Variants in MACF1 observed in about 807,000 individuals in gnomAD.
The protein encoded by MACF1 is microtubule-actin cross-linking factor 1.
Under a neutral mutation model 854.8 loss-of-function variants are expected in MACF1, and 193 were observed. The ratio of observed to expected loss-of-function variants is 0.23; its 90% CI spans 0.20 to 0.25. The LOEUF is 0.25. Ranked by LOEUF, MACF1 falls within the 10% of genes least tolerant of loss-of-function variation. The probability of loss-of-function intolerance (pLI) is 1.00; values close to 1 mark genes in which losing one functional copy is unlikely to be tolerated. For missense variants in MACF1, 7,722 were observed against 8,929.1 expected (o/e 0.86, Z 5.45); for synonymous variants, 3,185 against 3,226.7 (o/e 0.99, Z 0.44).
intron 2 of MACF1, among the ~76,000 whole-genome samples, chr1:39,194,346 CT>C (rs1557510835): frequency 2.9e-5 from 1 of 35,026 alleles, no homozygotes; most frequent in African/African-American, 1.7e-4. Context: ...CTTTTCTTTT[CT>C]TTTCTTTTTT....
chr1:39,415,174 A>G (rs1643241090), intron 58 of MACF1, among the ~76,000 whole-genome samples: 1 of 152,192 alleles, frequency 6.6e-6, no homozygotes, highest in African/African-American at 2.4e-5. Context: ...GCTAGGCATA[A>G]TGTTTATGAA....
intron 57 of MACF1, 89 bp from the exon 58 acceptor site, chr1:39,387,098 C>T (rs757386305): frequency 7.7e-6 from 11 of 1,423,710 alleles, no homozygotes; most frequent in Non-Finnish European, 1.0e-5. Flanking sequence ...TAGTTCCCTT[C>T]CCCCAAGATT....
In MACF1 at chr1:39,335,824, T is replaced by C. The variant is rs1290980008; in HGVS notation, c.9236T>C (p.Leu3079Pro). Reference protein sequence around the residue: ...ANEGKVNNLSLCLTLKPEENL... With the variant: ...ANEGKVNNLSPCLTLKPEENL... The stretch of plus-strand genomic sequence containing the variant: ...GAAGGAAAAGTAAACAATTTAAGTC[T>C]CTGCTTGACTTTAAAACCAGAAGAA... Residue 3079 changes from leucine to proline, a missense_variant, in exon 37 of 101, where the codon CTC becomes CCC. Transcript: ENST00000564288. 6.2e-7 allele frequency: 1 copy of C among 1,614,178 alleles called. No individual in the cohort carries two copies. The highest frequency in any genetic ancestry group is 8.5e-7 in the Non-Finnish European group (1 of 1,180,020).
At position 39,394,278 on chromosome 1, in the gene MACF1, T is replaced by TTG. The variant is rs1557628874; in HGVS notation, c.15816+5620_15816+5621insTG. ...TGATTGATTGATTGATTGATTGATTTATTGCCACATAGAAAGCAAGCTTAG... is the reference window on the plus strand; with the variant it reads ...TGATTGATTGATTGATTGATTGATTTTGATTGCCACATAGAAAGCAAGCTTAG... On this transcript the variant is annotated intron_variant, in intron 58 of 100. Transcript: ENST00000564288. Among the ~76,000 whole-genome samples the TTG allele has an allele frequency of 4.9e-4, 60 of 123,514 alleles. 1 individual carries two copies. Among genetic ancestry groups the TTG allele is most frequent in the African/African-American group, 1.1e-3 (28 of 24,678 alleles). 81.0% of individuals were successfully genotyped at this position (123,514 alleles called of 152,430 possible).
At chr1:39,161,694 G>A (rs1383574902) in intron 2 of MACF1, among the ~76,000 whole-genome samples, 5 of 151,724 alleles carry the variant, frequency 3.3e-5, no homozygotes, top group African/African-American at 7.3e-5. Context: ...ATGAAACTCC[G>A]TCTCTACTAA....
intron 2 of MACF1, among the ~76,000 whole-genome samples, chr1:39,152,788 T>C (rs769180694): frequency 2.6e-5 from 4 of 152,166 alleles, no homozygotes; most frequent in Non-Finnish European, 5.9e-5. Context: ...TTTTGCCTTC[T>C]TCCTCTACTC....
rs141206854 is a variant in MACF1 at position 39,371,687 on chromosome 1, A to G, written c.13096-792A>G. Among the ~76,000 whole-genome samples the G allele has an allele frequency of 4.9e-3, 746 of 152,242 alleles. 9 individuals carry two copies. The highest frequency in any genetic ancestry group is 0.017 in the African/African-American group (700 of 41,532). On this transcript the variant is annotated intron_variant, in intron 51 of 100. Transcript: ENST00000564288. The stretch of plus-strand genomic sequence containing the variant: ...CCTTAATAAATGCAAAGTATAGCCT[A>G]TGATTCTATGTATTTTTCTGTATCT...
chr1:39,485,128 TCTC>T (rs763974426), intron 100 of MACF1: 5 of 321,514 alleles, frequency 1.6e-5, no homozygotes, highest in Non-Finnish European at 2.9e-5. Flanking sequence ...TCACATCTGT[TCTC>T]CTGCTACTGT....
intron 2 of MACF1, among the ~76,000 whole-genome samples, chr1:39,155,727 T>G (rs1372291423): frequency 6.6e-6 from 1 of 152,212 alleles, no homozygotes; most frequent in Non-Finnish European, 1.5e-5. Context: ...AGTATTTTAT[T>G]TATTTATTTA....
At chr1:39,319,138 A>G (rs576890827) in intron 30 of MACF1, among the ~76,000 whole-genome samples, 1 of 152,234 alleles carries the variant, frequency 6.6e-6, no homozygotes, top group East Asian at 1.9e-4. Context: ...TTAGCTTCTC[A>G]GTGTTCTACT....
rs114768934 is a variant in MACF1 at position 39,329,447 on chromosome 1, T to G, written c.4615-1756T>G. Among the ~76,000 whole-genome samples, 1,383 of 152,316 alleles carry G rather than the reference T, an allele frequency of 9.1e-3. 23 individuals carry two copies. The highest frequency in any genetic ancestry group is 0.031 in the African/African-American group (1,299 of 41,558). Reference sequence around the variant, plus strand: ...CATCCCATATTTATTAAATGACAGCTACTGTTCCTAGACCTTCATGGACAA... The same window carrying G: ...CATCCCATATTTATTAAATGACAGCGACTGTTCCTAGACCTTCATGGACAA... On this transcript the variant is annotated intron_variant, in intron 36 of 100. Coordinates refer to ENST00000564288, the MANE Select transcript of MACF1 (RefSeq NM_001394062.1).
chr1:39,098,869 G>T (rs564240957), intron 2 of MACF1, among the ~76,000 whole-genome samples: 21 of 152,194 alleles, frequency 1.4e-4, no homozygotes, highest in Admixed American at 3.3e-4. Context: ...TCTTACCCCA[G>T]AGCGGATTTG....
intron 99 of MACF1, among the ~76,000 whole-genome samples, chr1:39,483,632 A>G (rs1645055808): frequency 6.6e-6 from 1 of 152,166 alleles, no homozygotes; most frequent in African/African-American, 2.4e-5. Context: ...CTGATTTCCC[A>G]AGAGAGAAGC....
In MACF1 at chr1:39,485,789, C is replaced by T. The variant is rs775450164; in HGVS notation, c.22663C>T (p.Arg7555Ter). ...CTCCCCCAGGACTCCAGGTCCCAAG[C>T]GATAACACTGTCTAAGCACCCCCAA... ...TASPRTPGPKR is the reference protein window; with the variant it reads ...TASPRTPGPK The change falls in exon 101 of 101, where the codon CGA becomes TGA. Residue 7555 changes from arginine (R) to a stop codon, truncating the protein, a stop_gained. Transcript: ENST00000564288. LOFTEE classifies it high-confidence loss of function. 6.3e-7 allele frequency: 1 copy of T among 1,593,106 alleles called. No individual in the cohort carries two copies. The highest frequency in any genetic ancestry group is 8.6e-7 in the Non-Finnish European group (1 of 1,166,932).
chr1:39,111,721 T>G (rs1312539307), intron 2 of MACF1, among the ~76,000 whole-genome samples: 2 of 152,150 alleles, frequency 1.3e-5, no homozygotes, highest in Non-Finnish European at 2.9e-5. Flanking sequence ...CTTGCAATGT[T>G]TTCTAGGCTA....
At chr1:39,166,617 G>C (rs1331480054) in intron 2 of MACF1, among the ~76,000 whole-genome samples, 1 of 150,824 alleles carries the variant, frequency 6.6e-6, no homozygotes. Context: ...ACACCTGGCT[G>C]ATTTTTTGTA....
At chr1:39,289,802 A>G (rs1645737300) in intron 15 of MACF1, among the ~76,000 whole-genome samples, 1 of 137,176 alleles carries the variant, frequency 7.3e-6, no homozygotes, top group African/African-American at 2.7e-5. Flanking sequence ...TTGGATTCTA[A>G]GCAATTCTCA....
chr1:39,351,411 G>A (rs1246163117), intron 43 of MACF1, among the ~76,000 whole-genome samples: 2 of 152,088 alleles, frequency 1.3e-5, no homozygotes, highest in African/African-American at 2.4e-5. Flanking sequence ...TACAAGAAAT[G>A]TCCAGGAGGA....
At chr1:39,384,679 A>G (rs554224801) in intron 56 of MACF1, among the ~76,000 whole-genome samples, 1 of 152,368 alleles carries the variant, frequency 6.6e-6, no homozygotes, top group East Asian at 1.9e-4. Flanking sequence ...CAGATTGTAT[A>G]TGCTCTTCGA....
Sources: gnomAD v4.1 joint callset for allele counts (sites outside exome capture counted in the v4.1 genomes callset) on GRCh38, gnomAD v4.1.1 for gene constraint, MANE v1.5 for transcripts, NCBI Gene and HGNC (gene_info 2026-07-23, HGNC 2026-07-21) for gene names.